The following RIMS1 variants were observed in gnomAD, a reference collection of about 807,000 sequenced individuals.
RIMS1 encodes the protein regulating synaptic membrane exocytosis protein 1.
In RIMS1, 83 loss-of-function variants were observed where a neutral mutation model predicts 214.1. The observed-to-expected ratio is 0.39, with a 90% CI of 0.32 to 0.47. The LOEUF (loss-of-function observed/expected upper bound fraction) is 0.47. Ranked by LOEUF, RIMS1 falls within the 20% of genes least tolerant of loss-of-function variation. The probability of loss-of-function intolerance (pLI) is 0.99; values close to 1 mark genes in which losing one functional copy is unlikely to be tolerated. For synonymous variants in RIMS1, 793 were observed against 786.8 expected (o/e 1.01, Z -0.13); for missense variants, 2,050 against 2,161.8 (o/e 0.95, Z 1.03).
chr6:72,178,246 A>G (rs1254573083), intron 4 of RIMS1, among the ~76,000 whole-genome samples: 1 of 151,846 alleles, frequency 6.6e-6, no homozygotes, highest in Non-Finnish European at 1.5e-5. Flanking sequence ...GCAGTTCTTA[A>G]TTCACCTGCA....
intron 2 of RIMS1, among the ~76,000 whole-genome samples, chr6:72,009,743 C>T (rs1165991436): frequency 2.0e-5 from 3 of 152,144 alleles, no homozygotes; most frequent in African/African-American, 4.8e-5. Context: ...GGATAAATTC[C>T]TCGACACATA....
chr6:71,965,090 C>T (rs1467936225), intron 1 of RIMS1, among the ~76,000 whole-genome samples: 2 of 152,298 alleles, frequency 1.3e-5, no homozygotes, highest in East Asian at 1.9e-4. Context: ...TAGACACAAA[C>T]ACATGTATTT....
intron 28 of RIMS1, among the ~76,000 whole-genome samples, chr6:72,323,968 G>A (rs942232252): frequency 2.6e-5 from 4 of 151,710 alleles, no homozygotes; most frequent in Non-Finnish European, 5.9e-5. Flanking sequence ...ACAATTTTAT[G>A]CTTAGTAAAT....
intron 2 of RIMS1, among the ~76,000 whole-genome samples, chr6:72,068,779 C>T (rs1005926245): frequency 4.6e-5 from 7 of 151,818 alleles, no homozygotes; most frequent in South Asian, 2.1e-4. Flanking sequence ...GGCGTGGTGG[C>T]GGGCGCCTGT....
intron 3 of RIMS1, among the ~76,000 whole-genome samples, chr6:72,099,525 C>T (rs1051827100): frequency 4.6e-5 from 7 of 151,990 alleles, no homozygotes; most frequent in African/African-American, 7.2e-5. Flanking sequence ...TTATTATAAA[C>T]ATTTCTCATT....
intron 4 of RIMS1, among the ~76,000 whole-genome samples, chr6:72,133,203 GCT>G (rs1234986051): frequency 1.3e-5 from 2 of 150,394 alleles, no homozygotes; most frequent in African/African-American, 4.9e-5. Context: ...TTTATTCATA[GCT>G]CTCTCTCTTT....
At chr6:72,394,908 TA>T in intron 31 of RIMS1, among the ~76,000 whole-genome samples, 1 of 152,016 alleles carries the variant, frequency 6.6e-6, no homozygotes, top group South Asian at 2.1e-4. Flanking sequence ...TTTTCAGAGA[TA>T]AAGTATCATA....
At chr6:72,074,686 T>C (rs941611876) in intron 2 of RIMS1, among the ~76,000 whole-genome samples, 1 of 152,062 alleles carries the variant, frequency 6.6e-6, no homozygotes, top group Non-Finnish European at 1.5e-5. Context: ...AAATATATCA[T>C]ATTAGAGTGA....
intron 6 of RIMS1, among the ~76,000 whole-genome samples, chr6:72,202,289 A>G (rs2052131945): frequency 6.6e-6 from 1 of 152,208 alleles, no homozygotes; most frequent in Admixed American, 6.5e-5. Flanking sequence ...GGAGGCTGGA[A>G]GTCTGAGATC....
intron 28 of RIMS1, among the ~76,000 whole-genome samples, chr6:72,321,844 A>G (rs2096187635): frequency 6.6e-6 from 1 of 152,004 alleles, no homozygotes; most frequent in African/African-American, 2.4e-5. Flanking sequence ...ATCACTCCCA[A>G]TGGGAATGCA....
intron 4 of RIMS1, among the ~76,000 whole-genome samples, chr6:72,103,440 G>C (rs1028911459): frequency 6.6e-6 from 1 of 152,004 alleles, no homozygotes; most frequent in Non-Finnish European, 1.5e-5. Context: ...GTACCTTCCT[G>C]CATCATCTTT....
intron 6 of RIMS1, among the ~76,000 whole-genome samples, chr6:72,212,324 A>G (rs2053963619): frequency 1.3e-5 from 2 of 150,900 alleles, no homozygotes; most frequent in Non-Finnish European, 3.0e-5. Context: ...GAATCTATAT[A>G]TAATATATAA....
intron 4 of RIMS1, chr6:72,126,577 A>G (rs1408924834): frequency 5.9e-6 from 1 of 170,592 alleles, no homozygotes; most frequent in African/African-American, 2.4e-5. Flanking sequence ...ATCAACAAGA[A>G]AAACAAAAAA....
At chr6:72,148,917 C>A (rs2043125317) in intron 4 of RIMS1, among the ~76,000 whole-genome samples, 1 of 151,870 alleles carries the variant, frequency 6.6e-6, no homozygotes, top group African/African-American at 2.4e-5. Context: ...GTTGTGGAAC[C>A]AGGGCCTCCT....
intron 4 of RIMS1, among the ~76,000 whole-genome samples, chr6:72,120,840 G>T (rs1452693030): frequency 6.6e-6 from 1 of 151,870 alleles, no homozygotes; most frequent in Non-Finnish European, 1.5e-5. Context: ...AAGGTTTAAG[G>T]AAGGGATGCA....
chr6:71,900,116 C>T (rs537379114), intron 1 of RIMS1, among the ~76,000 whole-genome samples: 28 of 152,102 alleles, frequency 1.8e-4, no homozygotes, highest in African/African-American at 6.3e-4. Flanking sequence ...AGGTGTGCTT[C>T]CCATGGAAAT....
intron 29 of RIMS1, among the ~76,000 whole-genome samples, chr6:72,362,879 T>C (rs2097870423): frequency 6.6e-6 from 1 of 152,192 alleles, no homozygotes; most frequent in Admixed American, 6.5e-5. Flanking sequence ...TCCCTCCTCA[T>C]TTGTTCATTC....
chr6:72,195,586 A>G (rs2050728534), intron 6 of RIMS1, among the ~76,000 whole-genome samples: 1 of 152,092 alleles, frequency 6.6e-6, no homozygotes, highest in Non-Finnish European at 1.5e-5. Context: ...TCATTGGAGA[A>G]TCGGGAACTC....
At chr6:72,399,504 A>G (rs563385544) in intron 33 of RIMS1, among the ~76,000 whole-genome samples, 2 of 152,274 alleles carry the variant, frequency 1.3e-5, no homozygotes, top group African/African-American at 4.8e-5. Context: ...GAGCATTGCT[A>G]TATACCAAAC....
Sources: allele counts gnomAD v4.1 joint callset (sites outside exome capture counted in the v4.1 genomes callset), GRCh38; gene constraint gnomAD v4.1.1; transcripts MANE v1.5; gene names NCBI Gene and HGNC (gene_info 2026-07-23, HGNC 2026-07-21).